The following MCTP1 variants were observed in gnomAD, a reference collection of about 807,000 sequenced individuals.
MCTP1 encodes multiple C2 and transmembrane domain containing 1, also known as multiple C2 and transmembrane domain-containing protein 1.
MCTP1 carries 69 observed loss-of-function variants against 120.6 expected under a neutral mutation model. The observed-to-expected ratio is 0.57, with a 90% CI of 0.47 to 0.70. MCTP1 has a LOEUF of 0.70. Among genes scored for constraint, MCTP1 ranks in the 30% least tolerant of loss-of-function variants. The probability of loss-of-function intolerance (pLI) is 0.00; values close to 1 mark genes in which losing one functional copy is unlikely to be tolerated. For missense variants in MCTP1, 1,203 were observed against 1,248.8 expected (o/e 0.96, Z 0.55); for synonymous variants, 529 against 493.1 (o/e 1.07, Z -0.96).
intron 1 of MCTP1, among the ~76,000 whole-genome samples, chr5:95,257,838 A>T (rs1758056593): frequency 5.0e-5 from 1 of 19,970 alleles, no homozygotes; most frequent in Admixed American, 4.8e-4. Context: ...CACAGACGGG[A>T]GTATATCAAA....
chr5:95,284,496 T>G lies in MCTP1; in HGVS notation c.80A>C (p.Asn27Thr), dbSNP rs1760602228. 2.0e-6 allele frequency: 3 copies of G among 1,491,640 alleles called. No individual in the cohort carries two copies. Among genetic ancestry groups the G allele is most frequent in the Non-Finnish European group, 8.9e-7 (1 of 1,121,884 alleles). The allele number at this position is 1,491,640 out of a possible 1,614,324, so 92.4% of individuals were successfully genotyped here. A position where few individuals can be genotyped will look rare whatever the true frequency, so the allele number is the denominator to read the frequency against. Residue 27 changes from asparagine (N) to threonine (T), a missense_variant, in exon 1 of 23, where the codon AAC becomes ACC. This residue lies in a region of MCTP1 where 463 missense variants were observed against 377.8 expected (regional missense o/e 1.23). Coordinates refer to ENST00000515393, the MANE Select transcript of MCTP1 (RefSeq NM_024717.7). This position sits in a 1 kb window ranked among gnomAD's most constrained non-coding sequence, Gnocchi z 5.2. ...GCTCCTGCCCACCCCCAGCTGCAGG[T>G]TCTTCCAGAGCCGGGCCTGGAAGGA... ...SSSFQARLWK[N>T]LQLGVGRSKG...
chr5:95,252,491 C>T (rs1361085838), intron 1 of MCTP1, among the ~76,000 whole-genome samples: 1 of 152,024 alleles, frequency 6.6e-6, no homozygotes, highest in Non-Finnish European at 1.5e-5. Flanking sequence ...AAAGAATGTG[C>T]AATTACAAGT....
intron 17 of MCTP1, among the ~76,000 whole-genome samples, chr5:94,806,118 T>A (rs943494878): frequency 6.6e-6 from 1 of 151,780 alleles, no homozygotes; most frequent in Admixed American, 6.6e-5. Context: ...TTATTCTTCC[T>A]TTTTTCCCAC....
At chr5:95,090,736 A>G (rs1404362354) in intron 1 of MCTP1, among the ~76,000 whole-genome samples, 1 of 152,148 alleles carries the variant, frequency 6.6e-6, no homozygotes, top group Non-Finnish European at 1.5e-5. Context: ...AACCCAACCT[A>G]GGATGACATC....
chr5:94,995,206 G>A (rs577213284), intron 2 of MCTP1, among the ~76,000 whole-genome samples: 13 of 152,218 alleles, frequency 8.5e-5, no homozygotes, highest in South Asian at 6.2e-4. Context: ...TTTTACATCC[G>A]TGGTTCTCAA....
intron 19 of MCTP1, among the ~76,000 whole-genome samples, chr5:94,776,522 A>T (rs1166064985): frequency 6.6e-6 from 1 of 152,154 alleles, no homozygotes; most frequent in Non-Finnish European, 1.5e-5. Flanking sequence ...GCCCCGGTGA[A>T]ACATCTGGGA....
intron 1 of MCTP1, among the ~76,000 whole-genome samples, chr5:95,170,024 TG>T (rs1747023968): frequency 6.6e-6 from 1 of 152,252 alleles, no homozygotes; most frequent in Non-Finnish European, 1.5e-5. Context: ...TTTAGATCTT[TG>T]CTGCTTTCTC....
At chr5:94,917,242 A>T (rs1810313945) in intron 8 of MCTP1, among the ~76,000 whole-genome samples, 1 of 152,198 alleles carries the variant, frequency 6.6e-6, no homozygotes, top group Non-Finnish European at 1.5e-5. Context: ...ACTCAATAAA[A>T]TTTGCATATT....
At chr5:94,889,750 C>CCA (rs750983646) in intron 11 of MCTP1, among the ~76,000 whole-genome samples, 18,070 of 145,494 alleles carry the variant, frequency 0.12, 1,289 homozygotes, top group African/African-American at 0.21. Flanking sequence ...TGAATGTACA[C>CCA]CACACACACA....
chr5:94,985,714 G>T (rs1368523454), intron 2 of MCTP1, among the ~76,000 whole-genome samples: 1 of 152,156 alleles, frequency 6.6e-6, no homozygotes, highest in Non-Finnish European at 1.5e-5. Context: ...AAGTAAAAAT[G>T]CAACAGAAAT....
intron 1 of MCTP1, among the ~76,000 whole-genome samples, chr5:95,048,112 C>G (rs1745018701): frequency 6.6e-6 from 1 of 152,160 alleles, no homozygotes; most frequent in African/African-American, 2.4e-5. Context: ...CTTTTACTCT[C>G]TAACATGTTA....
chr5:95,209,066 T>G (rs10066762), intron 1 of MCTP1, among the ~76,000 whole-genome samples: 126 of 152,130 alleles, frequency 8.3e-4, no homozygotes, highest in African/African-American at 2.9e-3. Flanking sequence ...TCCACCACAA[T>G]TCTTGAGCTT....
rs1470942082 is a variant in MCTP1, at chr5:94,706,510, TA to T, written c.*985del. 6.6e-6 allele frequency: 1 copy of T among 151,512 alleles called. No homozygotes were observed. The highest frequency in any genetic ancestry group is 1.5e-5 in the Non-Finnish European group (1 of 67,742). The allele number at this position is 151,512 out of a possible 1,614,324, so 9.4% of individuals were successfully genotyped here. A position where few individuals can be genotyped will look rare whatever the true frequency, so the allele number is the denominator to read the frequency against. ...ACTTAGCACACTGAATTCTCTACAT[TA>T]AAATTCACACTAATAACAAAATCAT... On this transcript the variant is annotated 3_prime_UTR_variant, in exon 23 of 23. Coordinates refer to ENST00000515393, the MANE Select transcript of MCTP1 (RefSeq NM_024717.7).
chr5:95,081,992 G>A (rs192367713), intron 1 of MCTP1: 290 of 226,506 alleles, frequency 1.3e-3, no homozygotes, highest in Middle Eastern at 6.4e-3. Context: ...CTCCCAGAAA[G>A]ACATCTAAAA....
At chr5:95,190,696 T>C (rs9314133) in intron 1 of MCTP1, among the ~76,000 whole-genome samples, 30,274 of 151,906 alleles carry the variant, frequency 0.2, 3,189 homozygotes, top group Non-Finnish European at 0.23. Flanking sequence ...TTCCTGACAA[T>C]GCTATTTGCA....
intron 19 of MCTP1, among the ~76,000 whole-genome samples, chr5:94,768,034 C>T (rs1054616249): frequency 2.0e-5 from 3 of 152,010 alleles, no homozygotes; most frequent in Admixed American, 1.3e-4. Context: ...CTAAACAACA[C>T]GGTATTGGTA....
chr5:95,066,031 G>A (rs1429232378), intron 1 of MCTP1, among the ~76,000 whole-genome samples: 2 of 152,064 alleles, frequency 1.3e-5, no homozygotes, highest in Non-Finnish European at 2.9e-5. Flanking sequence ...AAACTAAAAA[G>A]CTCTGCACAA....
intron 1 of MCTP1, among the ~76,000 whole-genome samples, chr5:95,038,670 T>C (rs1168502544): frequency 6.6e-6 from 1 of 152,222 alleles, no homozygotes; most frequent in East Asian, 1.9e-4. Context: ...CCTCCCCCAT[T>C]TCACAGATGA....
At chr5:95,057,307 A>T (rs556886536) in intron 1 of MCTP1, among the ~76,000 whole-genome samples, 1 of 152,314 alleles carries the variant, frequency 6.6e-6, no homozygotes, top group African/African-American at 2.4e-5. Context: ...AGCCATTTTG[A>T]GAAAAAAAGT....
Sources: gnomAD v4.1 joint callset for allele counts (sites outside exome capture counted in the v4.1 genomes callset) on GRCh38, gnomAD v4.1.1 for gene constraint, gnomAD v4.1.1 regional missense constraint, Gnocchi (gnomAD v3.1) non-coding constraint, MANE v1.5 for transcripts, NCBI Gene and HGNC (gene_info 2026-07-23, HGNC 2026-07-21) for gene names.